The following TBL3 variants were observed in gnomAD, a reference collection of about 807,000 sequenced individuals.
The protein encoded by TBL3 is transducin beta-like protein 3.
A neutral mutation model predicts 102.7 loss-of-function variants in TBL3; 71 were observed. The ratio of observed to expected loss-of-function variants is 0.69; its 90% confidence interval spans 0.57 to 0.84. TBL3 has a LOEUF of 0.84. TBL3 is among the 40% of genes least tolerant of loss of function. TBL3 has a pLI of 0.00. For synonymous variants in TBL3, 578 were observed against 477.7 expected, an observed-to-expected ratio of 1.21 and a Z score of -2.74; for missense variants, 1,188 against 1,098.5, an observed-to-expected ratio of 1.08 and a Z score of -1.15.
chr16:1,976,026 T>C, intron 11 of TBL3, 30 bp from the exon 12 acceptor site: 1 of 1,614,178 alleles, frequency 6.2e-7, no homozygotes, highest in Non-Finnish European at 8.5e-7. Context: ...CGTCTTGCTG[T>C]GTGACCTATA....
rs577003307 is a variant in TBL3 at position 1,974,557 on chromosome 16, G to A, written c.257G>A (p.Arg86Gln). 31 of 1,609,038 alleles carry A rather than the reference G, an allele frequency of 1.9e-5. No homozygotes were observed. The East Asian group carries it at 5.8e-4, about 30-fold the overall frequency. Residue 86 changes from arginine (R) to glutamine (Q), a missense_variant, in exon 5 of 22, where the codon CGG becomes CAG. Arg to Gln is a conservative substitution (Grantham distance 43). Coordinates refer to ENST00000568546, the MANE Select transcript of TBL3 (RefSeq NM_006453.3). ...PDNEVLVTAS[R>Q]ALLLAQWAWQ... is the part of the protein sequence containing the mutation. Reference sequence around the variant, plus strand: ...CCCCAGGTGCTGGTGACAGCCAGTCGGGCATTGCTGCTGGCTCAGTGGGCC... The same window carrying A: ...CCCCAGGTGCTGGTGACAGCCAGTCAGGCATTGCTGCTGGCTCAGTGGGCC...
rs761276859 is a variant in TBL3 at position 1,981,000 on chromosome 16, C to T, written c.*2315C>T. 20 of 1,613,176 alleles carry T rather than the reference C, an allele frequency of 1.2e-5. No individual in the cohort carries two copies. Among genetic ancestry groups the T allele is most frequent in the Non-Finnish European group, 1.6e-5 (19 of 1,180,008 alleles). ...GAAGGTGTCGCTGCCGTCTGACCAG[C>T]GCACAGAGAAGGCAAACGTCTGGGG... is the stretch of plus-strand genomic sequence containing the variant. On this transcript the variant is annotated 3_prime_UTR_variant, in exon 22 of 22. Coordinates refer to ENST00000568546, the MANE Select transcript of TBL3 (RefSeq NM_006453.3).
chr16:1,975,967 A>G lies in TBL3; in HGVS notation c.1129+18A>G. 6.2e-7 allele frequency: 1 copy of G among 1,614,002 alleles called. No individual in the cohort carries two copies. Among genetic ancestry groups the G allele is most frequent in the Non-Finnish European group, 8.5e-7 (1 of 1,179,938 alleles). ...CCACACGGGTGAGTGGGGCCAGCCC[A>G]CCTGACACCCTGGGAGCCGCCTCGG... On this transcript the variant is annotated intron_variant, in intron 11 of 21. Transcript: ENST00000568546.
Position 1,977,033 on chromosome 16 carries a change from ACCACCTTCTC to A in TBL3, c.1441-17_1441-8del. ...GGGGAAGATGGGGGATTGCTGAGCC[ACCACCTTCTC>A]CCATTGCCAGGACATCAACAGCGTG... On this transcript the variant is annotated splice_polypyrimidine_tract_variant and intron_variant, in intron 14 of 21. Coordinates refer to ENST00000568546, the MANE Select transcript of TBL3 (RefSeq NM_006453.3). The A allele has an allele frequency of 6.2e-7, 1 of 1,612,634 alleles. No homozygotes were observed. Among genetic ancestry groups the A allele is most frequent in the Non-Finnish European group, 8.5e-7 (1 of 1,179,314 alleles).
At position 1,972,072 on chromosome 16, in the gene TBL3, G is replaced by A. The variant is rs1050579908; in HGVS notation, c.-93G>A. 10 of 1,329,154 alleles carry A rather than the reference G, an allele frequency of 7.5e-6. No homozygotes were observed. In the African/African-American group the frequency reaches 1.5e-4, roughly 20 times the overall value. 82.3% of individuals were successfully genotyped at this position (1,329,154 alleles called of 1,614,324 possible). On this transcript the variant is annotated 5_prime_UTR_variant, in exon 1 of 22. Coordinates refer to ENST00000568546, the MANE Select transcript of TBL3 (RefSeq NM_006453.3). ...GCCATCGCAGCGCGCCGGGAGTGTG[G>A]CGTTCTGTGAAGAGTTCGGTGCTAA... is the stretch of plus-strand genomic sequence containing the variant.
rs1042872101 is a variant in TBL3, at chr16:1,980,821, G to A, written c.*2136G>A. The A allele has an allele frequency of 6.7e-7, 1 of 1,483,966 alleles. No homozygotes were observed. Among genetic ancestry groups the A allele is most frequent in the African/African-American group, 1.4e-5 (1 of 71,834 alleles). 91.9% of individuals were successfully genotyped at this position (1,483,966 alleles called of 1,614,324 possible). On this transcript the variant is annotated 3_prime_UTR_variant, in exon 22 of 22. Transcript: ENST00000568546. ...CCCTCACCCGGATGGCAGGGGCTGGGAGCTTCAGCAGGGACGAAGGGCCTC... is the reference window on the plus strand; with the variant it reads ...CCCTCACCCGGATGGCAGGGGCTGGAAGCTTCAGCAGGGACGAAGGGCCTC...
In TBL3 at chr16:1,979,374, GGCCCCGCCCGCCTCGGCTAGCCT is replaced by G; in HGVS notation, c.*694_*716del. 1 of 1,588,072 alleles carries G rather than the reference GGCCCCGCCCGCCTCGGCTAGCCT, an allele frequency of 6.3e-7. No individual in the cohort carries two copies. Among genetic ancestry groups the G allele is most frequent in the Non-Finnish European group, 8.5e-7 (1 of 1,173,258 alleles). On this transcript the variant is annotated 3_prime_UTR_variant, in exon 22 of 22. Transcript: ENST00000568546. ...CCTGCGAGGGGCGGGGTGTGGTTAGGGCCCCGCCCGCCTCGGCTAGCCTGCCCTGCCCACGCCCGCTCCCGCGT... is the reference window on the plus strand; with the variant it reads ...CCTGCGAGGGGCGGGGTGTGGTTAGGGCCCTGCCCACGCCCGCTCCCGCGT...
chr16:1,979,425 C>G lies in TBL3; in HGVS notation c.*740C>G. On this transcript the variant is annotated 3_prime_UTR_variant, in exon 22 of 22. Coordinates refer to ENST00000568546, the MANE Select transcript of TBL3 (RefSeq NM_006453.3). The stretch of plus-strand genomic sequence containing the variant: ...CCTGCCCACGCCCGCTCCCGCGTAC[C>G]TGCATAGCCACCAGCCGCGGTCTGA... 1 of 1,608,226 alleles carries G rather than the reference C, an allele frequency of 6.2e-7. No individual in the cohort carries two copies.
rs1035337897 is a variant in TBL3, at chr16:1,978,066, G to T, written c.2062+5G>T. 1.2e-6 allele frequency: 2 copies of T among 1,604,634 alleles called. No homozygotes were observed. Among genetic ancestry groups the T allele is most frequent in the South Asian group, 1.1e-5 (1 of 90,080 alleles). ...CCGTGCTGACTGTCATCCAGGGTCA[G>T]TGCCCACCCCGGGGGGCGAGGGGCT... On this transcript the variant is annotated splice_donor_5th_base_variant and intron_variant, in intron 19 of 21. Coordinates refer to ENST00000568546, the MANE Select transcript of TBL3 (RefSeq NM_006453.3).
rs941104756 is a variant in TBL3 at position 1,981,675 on chromosome 16, A to G, written c.*2990A>G. ...GGCCTGGGGATTTCTGTGCAGAACC[A>G]AGGACTCAGTGCTTACAGCTTTAAG... On this transcript the variant is annotated 3_prime_UTR_variant, in exon 22 of 22. Coordinates refer to ENST00000568546, the MANE Select transcript of TBL3 (RefSeq NM_006453.3). 1 of 170,318 alleles carries G rather than the reference A, an allele frequency of 5.9e-6. No homozygotes were observed. Among genetic ancestry groups the G allele is most frequent in the Non-Finnish European group, 1.3e-5 (1 of 78,606 alleles). 10.6% of individuals were successfully genotyped at this position (170,318 alleles called of 1,614,324 possible).
chr16:1,975,460 G>A (rs1328850915), intron 9 of TBL3, 22 bp downstream of exon 9: 1 of 1,611,656 alleles, frequency 6.2e-7, no homozygotes, highest in East Asian at 2.2e-5. Context: ...CGGGACATGG[G>A]CAGGCGGTAG....
At chr16:1,977,937 C>T (rs1404547120) in intron 18 of TBL3, 21 bp from the exon 19 acceptor site, 7 of 1,587,030 alleles carry the variant, frequency 4.4e-6, no homozygotes, top group African/African-American at 4.0e-5. Flanking sequence ...CCCTCAGTGG[C>T]CTCTCCTCCC....
chr16:1,980,377 G>A lies in TBL3; in HGVS notation c.*1692G>A. On this transcript the variant is annotated 3_prime_UTR_variant, in exon 22 of 22. Coordinates refer to ENST00000568546, the MANE Select transcript of TBL3 (RefSeq NM_006453.3). ...GGGCGAGTCAGGCACCTGCCGGGTG[G>A]CAGCGCGGGCTCCAGGTCCAGGGGT... 1 of 1,600,712 alleles carries A rather than the reference G, an allele frequency of 6.2e-7. No individual in the cohort carries two copies. The highest frequency in any genetic ancestry group is 1.7e-5 in the Admixed American group (1 of 59,786).
Position 1,980,305 on chromosome 16 carries a change from CCCTGGA to C in TBL3, c.*1624_*1629del, listed in dbSNP as rs953442115. Reference sequence around the variant, plus strand: ...CCTATTCGCTGGCTGTTCCCCCCCACCCTGGACCTCTCCCAGCTCCAAACGCCGCTG... The same window carrying C: ...CCTATTCGCTGGCTGTTCCCCCCCACCCTCTCCCAGCTCCAAACGCCGCTG... On this transcript the variant is annotated 3_prime_UTR_variant, in exon 22 of 22. Coordinates refer to ENST00000568546, the MANE Select transcript of TBL3 (RefSeq NM_006453.3). 255 of 1,551,358 alleles carry C rather than the reference CCCTGGA, an allele frequency of 1.6e-4. No homozygotes were observed. Among genetic ancestry groups the C allele is most frequent in the Middle Eastern group, 6.9e-4 (3 of 4,318 alleles).
Position 1,977,759 on chromosome 16 carries a change from G to A in TBL3, c.1917G>A (p.Glu639=). ...AACCCCAGGATGTGACCGAGGCGGA[G>A]CAGGCAGAGGAGCAGGCCAGGCAAG... ...VILWKDVTEA[E]QAEEQARQEE... is the part of the protein sequence containing the mutation. Residue 639 remains glutamate, a synonymous_variant, in exon 18 of 22, where the codon GAG becomes GAA. Transcript: ENST00000568546. 1 of 1,555,222 alleles carries A rather than the reference G, an allele frequency of 6.4e-7. No individual in the cohort carries two copies. The highest frequency in any genetic ancestry group is 8.7e-7 in the Non-Finnish European group (1 of 1,148,804).
chr16:1,972,382 G>A (rs965252613), intron 1 of TBL3, among the ~76,000 whole-genome samples, 177 bp downstream of exon 1: 14 of 152,218 alleles, frequency 9.2e-5, no homozygotes, highest in Admixed American at 5.2e-4. Context: ...GGCCCCGGCT[G>A]CTCTCGGGGA....
rs1036173574 is a variant in TBL3, at chr16:1,980,333, G to C, written c.*1648G>C. The C allele has an allele frequency of 1.2e-5, 19 of 1,585,298 alleles. No individual in the cohort carries two copies. The Admixed American group carries it at 2.6e-4, about 21-fold the overall frequency. The stretch of plus-strand genomic sequence containing the variant: ...TGGACCTCTCCCAGCTCCAAACGCC[G>C]CTGCATGCTGGGAGTTTGGGGCGAG... On this transcript the variant is annotated 3_prime_UTR_variant, in exon 22 of 22. Transcript: ENST00000568546.
rs2083411418 is a variant in TBL3 at position 1,977,343 on chromosome 16, C to T, written c.1672-13C>T. 4 of 1,613,530 alleles carry T rather than the reference C, an allele frequency of 2.5e-6. No individual in the cohort carries two copies. The highest frequency in any genetic ancestry group is 3.4e-6 in the Non-Finnish European group (4 of 1,180,006). ...CCCTGGTGACATCTCATGCCCTACC[C>T]CCCACCTTGCAGACATTTGAGGGGC... On this transcript the variant is annotated splice_polypyrimidine_tract_variant and intron_variant, in intron 15 of 21. Coordinates refer to ENST00000568546, the MANE Select transcript of TBL3 (RefSeq NM_006453.3).
Position 1,974,304 on chromosome 16 carries a change from C to G in TBL3, c.189+12C>G. 1.3e-6 allele frequency: 2 copies of G among 1,585,130 alleles called. No homozygotes were observed. Among genetic ancestry groups the G allele is most frequent in the Non-Finnish European group, 1.7e-6 (2 of 1,162,950 alleles). On this transcript the variant is annotated intron_variant, in intron 3 of 21. Coordinates refer to ENST00000568546, the MANE Select transcript of TBL3 (RefSeq NM_006453.3). ...GGAGTCTGGAGCAGGTGAGGGCAGC[C>G]TGGGTGGGTGAGGGGCAAGTGGAGA...
Sources: allele counts gnomAD v4.1 joint callset (sites outside exome capture counted in the v4.1 genomes callset), GRCh38; gene constraint gnomAD v4.1.1; transcripts MANE v1.5; gene names NCBI Gene and HGNC (gene_info 2026-07-23, HGNC 2026-07-21).